Variants in RBFOX1 observed in about 807,000 individuals in gnomAD.
RBFOX1 encodes the protein RNA binding fox-1 homolog 1.
RBFOX1 carries 8 observed loss-of-function variants against 57.7 expected under a neutral mutation model. The observed-to-expected ratio is 0.14, with a 90% CI of 0.08 to 0.25. The LOEUF (loss-of-function observed/expected upper bound fraction) is 0.25, where lower values mean the gene tolerates loss of function less well. RBFOX1 is among the 10% of genes least tolerant of loss of function. RBFOX1 has a pLI of 1.00. For missense variants in RBFOX1, 611 were observed against 548.5 expected (o/e 1.11, Z -1.14); for synonymous variants, 326 against 222.4 (o/e 1.47, Z -4.15).
intron 3 of RBFOX1, among the ~76,000 whole-genome samples, chr16:5,808,594 T>C (rs1488017999): frequency 1.3e-5 from 2 of 152,224 alleles, no homozygotes; most frequent in African/African-American, 2.4e-5. Flanking sequence ...TTTTATTTCA[T>C]TGAGCAGTGG....
chr16:7,708,471 A>G (rs2148550061), intron 14 of RBFOX1, among the ~76,000 whole-genome samples: 1 of 150,496 alleles, frequency 6.6e-6, no homozygotes, highest in South Asian at 2.1e-4. Flanking sequence ...TTCTGGAATA[A>G]TAGGATCAAA....
At chr16:7,000,984 A>T (rs1451531113) in intron 3 of RBFOX1, among the ~76,000 whole-genome samples, 1 of 152,292 alleles carries the variant, frequency 6.6e-6, no homozygotes, top group Admixed American at 6.5e-5. Context: ...GGAAATTTTT[A>T]TCAGTCACTA....
intron 3 of RBFOX1, among the ~76,000 whole-genome samples, chr16:6,925,486 C>G (rs1380147057): frequency 2.4e-5 from 3 of 122,946 alleles, no homozygotes; most frequent in Non-Finnish European, 3.4e-5. Context: ...ATTTATTGTC[C>G]TATCCACCCT....
At chr16:7,250,747 A>C (rs2094472135) in intron 4 of RBFOX1, among the ~76,000 whole-genome samples, 1 of 152,228 alleles carries the variant, frequency 6.6e-6, no homozygotes, top group Admixed American at 6.5e-5. Context: ...AGGGAGGGTC[A>C]TGCTGTGTAT....
At chr16:5,777,712 C>A (rs1183073212) in intron 3 of RBFOX1, among the ~76,000 whole-genome samples, 1 of 152,176 alleles carries the variant, frequency 6.6e-6, no homozygotes, top group African/African-American at 2.4e-5. Flanking sequence ...GACCATCACA[C>A]AGGGAAACAC....
chr16:5,829,956 A>G (rs930702879), intron 3 of RBFOX1, among the ~76,000 whole-genome samples: 1 of 152,166 alleles, frequency 6.6e-6, no homozygotes, highest in African/African-American at 2.4e-5. Context: ...CCTTAGGAGC[A>G]AGGATCTGAG....
intron 3 of RBFOX1, among the ~76,000 whole-genome samples, chr16:6,663,887 A>G (rs998142535): frequency 1.3e-5 from 2 of 152,182 alleles, no homozygotes; most frequent in African/African-American, 4.8e-5. Context: ...AACTGAATAC[A>G]CGTCAGTGTA....
chr16:5,901,166 G>C (rs1460151581), intron 4 of RBFOX1, among the ~76,000 whole-genome samples: 1 of 152,124 alleles, frequency 6.6e-6, no homozygotes, highest in Non-Finnish European at 1.5e-5. Context: ...TCGTCTCCCT[G>C]GACCCTCTCA....
At chr16:7,626,264 C>G (rs2060052577) in intron 10 of RBFOX1, among the ~76,000 whole-genome samples, 1 of 152,196 alleles carries the variant, frequency 6.6e-6, no homozygotes, top group South Asian at 2.1e-4. Flanking sequence ...TGGGAAACAT[C>G]CCTTCTAGGC....
intron 1 of RBFOX1, among the ~76,000 whole-genome samples, chr16:5,346,010 G>C (rs2065131475): frequency 6.6e-6 from 1 of 152,190 alleles, no homozygotes; most frequent in South Asian, 2.1e-4. Context: ...GTGGGGGATT[G>C]TCAACAATCC....
chr16:5,298,022 A>G (rs2063710422), intron 1 of RBFOX1, among the ~76,000 whole-genome samples: 1 of 148,972 alleles, frequency 6.7e-6, no homozygotes, highest in Non-Finnish European at 1.5e-5. Context: ...TTATTTTCCC[A>G]TTGAATTAAC....
At chr16:7,104,005 A>G (rs2063144922) in intron 4 of RBFOX1, among the ~76,000 whole-genome samples, 1 of 152,182 alleles carries the variant, frequency 6.6e-6, no homozygotes, top group Non-Finnish European at 1.5e-5. Context: ...CAAGAGTAAA[A>G]TAGAATTTAA....
intron 2 of RBFOX1, among the ~76,000 whole-genome samples, chr16:5,561,744 C>G (rs1398569861): frequency 1.3e-5 from 2 of 152,080 alleles, no homozygotes; most frequent in East Asian, 3.9e-4. Context: ...GCAATCTGCT[C>G]CCTTCTTTTG....
At chr16:5,252,429 T>G (rs1479234368) in intron 1 of RBFOX1, among the ~76,000 whole-genome samples, 2 of 152,246 alleles carry the variant, frequency 1.3e-5, no homozygotes, top group Non-Finnish European at 2.9e-5. Context: ...TCCTGTCTTT[T>G]CACTTGCTAC....
chr16:6,503,462 G>T (rs955913433), intron 2 of RBFOX1, among the ~76,000 whole-genome samples: 2 of 152,182 alleles, frequency 1.3e-5, no homozygotes, highest in Non-Finnish European at 2.9e-5. Flanking sequence ...GACCATGTGG[G>T]CTGTGCTCAG....
chr16:7,675,592 T>C (rs1251399034), intron 13 of RBFOX1, among the ~76,000 whole-genome samples: 1 of 152,186 alleles, frequency 6.6e-6, no homozygotes, highest in Non-Finnish European at 1.5e-5. Context: ...CAGAAAGAAA[T>C]TGAGACCCGT....
chr16:5,411,379 T>C (rs2067017784), intron 1 of RBFOX1, among the ~76,000 whole-genome samples: 1 of 151,858 alleles, frequency 6.6e-6, no homozygotes, highest in Non-Finnish European at 1.5e-5. Flanking sequence ...TGGCTGGAGA[T>C]GGAGGAAGGG....
chr16:7,146,371 G>C (rs1020972477), intron 4 of RBFOX1, among the ~76,000 whole-genome samples: 2 of 152,164 alleles, frequency 1.3e-5, no homozygotes, highest in African/African-American at 4.8e-5. Flanking sequence ...GGGCAGAGAA[G>C]AAATTGTCTC....
intron 1 of RBFOX1, among the ~76,000 whole-genome samples, chr16:6,042,671 T>C (rs1160650089): frequency 6.6e-6 from 1 of 152,174 alleles, no homozygotes; most frequent in Non-Finnish European, 1.5e-5. Flanking sequence ...CAGTCTCTGG[T>C]GGTCCTAAGA....
Sources: gnomAD v4.1 joint callset for allele counts (sites outside exome capture counted in the v4.1 genomes callset) on GRCh38, gnomAD v4.1.1 for gene constraint, MANE v1.5 for transcripts, NCBI Gene and HGNC (gene_info 2026-07-23, HGNC 2026-07-21) for gene names.